The following WDR72 variants were observed in gnomAD, a reference collection of about 807,000 sequenced individuals.
WDR72 encodes WD repeat domain 72.
A neutral mutation model predicts 124.2 loss-of-function variants in WDR72; 120 were observed. That is an observed-to-expected ratio of 0.97 (90% confidence interval 0.83 to 1.12). The LOEUF (loss-of-function observed/expected upper bound fraction) is 1.12, where lower values mean the gene tolerates loss of function less well. WDR72 is among the 50% of genes most tolerant of loss of function. The probability of loss-of-function intolerance (pLI) is 0.00; values close to 1 mark genes in which losing one functional copy is unlikely to be tolerated. For missense variants in WDR72, 1,387 were observed against 1,278.8 expected (o/e 1.08, Z -1.29); for synonymous variants, 452 against 441.7 (o/e 1.02, Z -0.29).
At chr15:53,691,616 CAGACAGATAGATAGATAGATAGATAGAT>C (rs1483938875) in intron 13 of WDR72, among the ~76,000 whole-genome samples, 1 of 65,472 alleles carries the variant, frequency 1.5e-5, no homozygotes, top group Non-Finnish European at 3.5e-5. Flanking sequence ...GACAGACAGA[CAGACAGATAGATAGATAGATAGATAGAT>C]AGATAGATAG....
chr15:53,713,007 T>C, intron 6 of WDR72, 116 bp from the exon 7 acceptor site: 1 of 1,156,410 alleles, frequency 8.6e-7, no homozygotes, highest in Non-Finnish European at 1.2e-6. Flanking sequence ...ACGAAAAGTA[T>C]CTGAGTTACC....
At chr15:53,580,075 T>C (rs2011835276) in intron 18 of WDR72, among the ~76,000 whole-genome samples, 1 of 152,080 alleles carries the variant, frequency 6.6e-6, no homozygotes, top group Non-Finnish European at 1.5e-5. Context: ...CCAAGATAGC[T>C]GCCCACATGT....
At chr15:53,568,929 T>C (rs1448184324) in intron 18 of WDR72, among the ~76,000 whole-genome samples, 5 of 152,078 alleles carry the variant, frequency 3.3e-5, no homozygotes, top group Non-Finnish European at 5.9e-5. Context: ...ATATATACTA[T>C]ATATATGACA....
At position 53,513,989 on chromosome 15, in the gene WDR72, A is replaced by T. The variant is rs745453091; in HGVS notation, c.*3710T>A. On this transcript the variant is annotated 3_prime_UTR_variant, in exon 20 of 20. Transcript: ENST00000360509. ...GTTAATTTCCAGTTTACCTTCTCCT[A>T]CCTGCCATCTGTAGGCTCCTTCTTG... The T allele has an allele frequency of 6.6e-6, 1 of 152,116 alleles. No individual in the cohort carries two copies. The highest frequency in any genetic ancestry group is 2.4e-5 in the African/African-American group (1 of 41,426). 9.4% of individuals were successfully genotyped at this position (152,116 alleles called of 1,614,324 possible).
chr15:53,629,180 G>A (rs1029852159), intron 14 of WDR72, among the ~76,000 whole-genome samples: 5 of 147,304 alleles, frequency 3.4e-5, no homozygotes, highest in African/African-American at 1.3e-4. Flanking sequence ...ATCAGCTGAG[G>A]AGAGAGACAG....
At chr15:53,682,687 T>C (rs1194518260) in intron 13 of WDR72, among the ~76,000 whole-genome samples, 2 of 152,180 alleles carry the variant, frequency 1.3e-5, no homozygotes. Flanking sequence ...CCAGACTCCT[T>C]GCTAAAGCAT....
intron 14 of WDR72, chr15:53,651,870 C>G (rs538911792): frequency 1.3e-5 from 2 of 152,184 alleles, no homozygotes; most frequent in African/African-American, 4.8e-5. Flanking sequence ...TCAGGCTGGT[C>G]TCAAACTCCA....
rs551164396 is a variant in WDR72 at position 53,665,902 on chromosome 15, T to C, written c.1766-134A>G. ...GCCTTAGTATCTTGCAACTGAAAAA[T>C]AGCCTGGGAGCTTTTCCTAAATTAT... On this transcript the variant is annotated intron_variant, in intron 13 of 19. Coordinates refer to ENST00000360509, the MANE Select transcript of WDR72 (RefSeq NM_182758.4). The C allele has an allele frequency of 1.8e-5, 15 of 841,342 alleles. No individual in the cohort carries two copies. The East Asian group carries it at 2.4e-4, about 13-fold the overall frequency. The allele number at this position is 841,342 out of a possible 1,614,324, so 52.1% of individuals were successfully genotyped here.
chr15:53,616,981 C>T (rs2013792519), intron 14 of WDR72, among the ~76,000 whole-genome samples: 1 of 151,814 alleles, frequency 6.6e-6, no homozygotes, highest in Non-Finnish European at 1.5e-5. Context: ...CACACCTTTG[C>T]AGGAATTTTG....
intron 13 of WDR72, among the ~76,000 whole-genome samples, chr15:53,683,992 A>C (rs931253071): frequency 1.3e-4 from 20 of 152,170 alleles, no homozygotes; most frequent in African/African-American, 4.8e-4. Flanking sequence ...ATAATAATTT[A>C]ACATTTGTAA....
chr15:53,630,848 G>A (rs757657673), intron 14 of WDR72, among the ~76,000 whole-genome samples: 3 of 152,110 alleles, frequency 2.0e-5, no homozygotes, highest in Non-Finnish European at 2.9e-5. Flanking sequence ...TGTACTAGAC[G>A]TCCTGGACGG....
At chr15:53,731,533 C>A (rs1472153484) in intron 2 of WDR72, among the ~76,000 whole-genome samples, 1 of 151,676 alleles carries the variant, frequency 6.6e-6, no homozygotes, top group Admixed American at 6.6e-5. Context: ...ATTGTGACAA[C>A]CAAAATGTCT....
In WDR72 at chr15:53,726,264, GTATA is replaced by G. The variant is rs34367324; in HGVS notation, c.154-3360_154-3357del. ...TGTGTGTATATATATATGTATGTGT[GTATA>G]TATATATATATATATATACACACAC... is the stretch of plus-strand genomic sequence containing the variant. On this transcript the variant is annotated intron_variant, in intron 2 of 19. Coordinates refer to ENST00000360509, the MANE Select transcript of WDR72 (RefSeq NM_182758.4). Among the ~76,000 whole-genome samples the G allele has an allele frequency of 4.7e-3, 520 of 110,342 alleles. 3 individuals carry two copies. Among genetic ancestry groups the G allele is most frequent in the Non-Finnish European group, 6.9e-3 (413 of 60,002 alleles). 72.4% of individuals were successfully genotyped at this position (110,342 alleles called of 152,430 possible). A position where few individuals can be genotyped will look rare whatever the true frequency, so the allele number is the denominator to read the frequency against.
intron 1 of WDR72, among the ~76,000 whole-genome samples, chr15:53,756,193 C>T (rs972975003): frequency 2.6e-5 from 4 of 152,116 alleles, no homozygotes; most frequent in Non-Finnish European, 4.4e-5. Context: ...AGGATGGTTT[C>T]CCCCATGCTG....
At chr15:53,729,732 T>C (rs1052233253) in intron 2 of WDR72, among the ~76,000 whole-genome samples, 8 of 152,044 alleles carry the variant, frequency 5.3e-5, no homozygotes, top group Admixed American at 1.3e-4. Context: ...CAAGCATCAC[T>C]CTCAGAAAGG....
At chr15:53,659,764 T>C (rs1272524765) in intron 14 of WDR72, among the ~76,000 whole-genome samples, 4 of 152,086 alleles carry the variant, frequency 2.6e-5, no homozygotes, top group African/African-American at 4.8e-5. Flanking sequence ...CATAAAATTA[T>C]CTATAAAACT....
At chr15:53,602,287 C>G (rs1410833931) in intron 17 of WDR72, among the ~76,000 whole-genome samples, 2 of 151,834 alleles carry the variant, frequency 1.3e-5, no homozygotes, top group Admixed American at 6.6e-5. Flanking sequence ...TTGAAACTAC[C>G]AAGAACAAAG....
At chr15:53,751,452 A>G (rs1018815271) in intron 1 of WDR72, among the ~76,000 whole-genome samples, 3 of 152,292 alleles carry the variant, frequency 2.0e-5, no homozygotes, top group Middle Eastern at 3.4e-3. Context: ...TTTTAGCAAT[A>G]AAGTACTTTT....
chr15:53,534,169 T>C (rs941080195), intron 18 of WDR72, among the ~76,000 whole-genome samples: 15 of 152,152 alleles, frequency 9.9e-5, no homozygotes, highest in African/African-American at 3.1e-4. Flanking sequence ...AGGAAATTTA[T>C]AGATTATATG....
Sources: gnomAD v4.1 joint callset for allele counts (sites outside exome capture counted in the v4.1 genomes callset) on GRCh38, gnomAD v4.1.1 for gene constraint, MANE v1.5 for transcripts, NCBI Gene and HGNC (gene_info 2026-07-23, HGNC 2026-07-21) for gene names.